Variants in SCMH1 observed in about 807,000 individuals in gnomAD.
The protein encoded by SCMH1 is polycomb protein SCMH1.
In SCMH1, 37 loss-of-function variants were observed where a neutral mutation model predicts 70.8. The observed-to-expected ratio is 0.52, with a 90% confidence interval of 0.40 to 0.69. SCMH1 has a LOEUF of 0.69. Among genes scored for constraint, SCMH1 ranks in the 30% least tolerant of loss-of-function variants. SCMH1 has a pLI of 0.00. For synonymous variants in SCMH1, 292 were observed against 307.4 expected (o/e 0.95, Z 0.52); for missense variants, 607 against 827.3 (o/e 0.73, Z 3.27).
intron 6 of SCMH1, among the ~76,000 whole-genome samples, chr1:41,141,238 G>T (rs12095366): frequency 6.6e-6 from 1 of 152,220 alleles, no homozygotes; most frequent in East Asian, 1.9e-4. Flanking sequence ...GCAAACTACA[G>T]TTGGCAGGCT....
At chr1:41,161,944 C>T (rs1170402573) in intron 2 of SCMH1, among the ~76,000 whole-genome samples, 1 of 152,200 alleles carries the variant, frequency 6.6e-6, no homozygotes, top group Non-Finnish European at 1.5e-5. Flanking sequence ...TCTGGAGCAG[C>T]TGCTGTCATC....
At chr1:41,038,571 G>A (rs973783685) in intron 12 of SCMH1, among the ~76,000 whole-genome samples, 2 of 152,184 alleles carry the variant, frequency 1.3e-5, no homozygotes, top group African/African-American at 4.8e-5. Context: ...TAGGATTTTA[G>A]GACTGCTTTC....
At chr1:41,175,173 A>G (rs538037526) in intron 2 of SCMH1, among the ~76,000 whole-genome samples, 4 of 152,326 alleles carry the variant, frequency 2.6e-5, no homozygotes, top group African/African-American at 9.6e-5. Flanking sequence ...CTGAGTAAAG[A>G]TTGCCCTCAC....
At chr1:41,028,546 C>T (rs761928863) in intron 14 of SCMH1, 38 bp downstream of exon 15, 2 of 1,612,848 alleles carry the variant, frequency 1.2e-6, no homozygotes, top group South Asian at 1.1e-5. Context: ...AGGCTCTCCA[C>T]ACAGGTTCCT....
chr1:41,101,395 T>C (rs1666614147), intron 8 of SCMH1, among the ~76,000 whole-genome samples: 1 of 152,190 alleles, frequency 6.6e-6, no homozygotes, highest in Non-Finnish European at 1.5e-5. Context: ...TCTAAGACTC[T>C]ATGACTTTTT....
Position 41,058,378 on chromosome 1 carries a change from G to GTTTTTTTTTTTTTTTTT in SCMH1, c.1106-9505_1106-9489dup, listed in dbSNP as rs548733204. 3.3e-4 allele frequency among the ~76,000 whole-genome samples: 27 copies of GTTTTTTTTTTTTTTTTT among 81,640 alleles called. 4 individuals carry two copies. The highest frequency in any genetic ancestry group is 1.3e-3 in the South Asian group (2 of 1,554). The allele number at this position is 81,640 out of a possible 152,430, so 53.6% of individuals were successfully genotyped here. On this transcript the variant is annotated intron_variant, in intron 10 of 14. Coordinates refer to ENST00000337495, the Ensembl canonical transcript of SCMH1. ...TTAGTATTTATACATTTTCTTTCTT[G>GTTTTTTTTTTTTTTTTT]TTTTTTTTTTTTTTTTTTTTTTGAG...
intron 8 of SCMH1, among the ~76,000 whole-genome samples, chr1:41,082,401 G>A (rs1660297901): frequency 6.6e-6 from 1 of 152,118 alleles, no homozygotes; most frequent in Non-Finnish European, 1.5e-5. Context: ...AGAGAGTGGG[G>A]GCCAATATTC....
At chr1:41,164,563 G>A (rs954224668) in intron 2 of SCMH1, among the ~76,000 whole-genome samples, 3 of 152,040 alleles carry the variant, frequency 2.0e-5, no homozygotes, top group East Asian at 1.9e-4. Flanking sequence ...AGTAACAGGC[G>A]CTCATTAAAT....
chr1:41,029,329 C>T (rs1159077328), intron 13 of SCMH1, among the ~76,000 whole-genome samples: 1 of 152,206 alleles, frequency 6.6e-6, no homozygotes, highest in African/African-American at 2.4e-5. Flanking sequence ...TGTCCTGCCT[C>T]AGCCTCCTGA....
chr1:41,240,497 T>C (rs1573351726), intron 1 of SCMH1, among the ~76,000 whole-genome samples: 1 of 152,028 alleles, frequency 6.6e-6, no homozygotes, highest in Non-Finnish European at 1.5e-5. Flanking sequence ...AGCATTTCCC[T>C]CTGCAACCAA....
At chr1:41,190,012 C>T (rs1388880617) in intron 1 of SCMH1, among the ~76,000 whole-genome samples, 3 of 152,216 alleles carry the variant, frequency 2.0e-5, no homozygotes, top group African/African-American at 7.2e-5. Flanking sequence ...ATATATGGAT[C>T]TGATGTCATT....
At chr1:41,114,278 C>G (rs1669910936) in intron 7 of SCMH1, among the ~76,000 whole-genome samples, 1 of 152,110 alleles carries the variant, frequency 6.6e-6, no homozygotes, top group African/African-American at 2.4e-5. Context: ...TATACTTTCA[C>G]CGGAAGTGTA....
intron 5 of SCMH1, among the ~76,000 whole-genome samples, chr1:41,146,819 G>A (rs1644623720): frequency 6.6e-6 from 1 of 152,106 alleles, no homozygotes; most frequent in East Asian, 1.9e-4. Context: ...CTCATAGTCT[G>A]TGACCTGTAT....
intron 13 of SCMH1, among the ~76,000 whole-genome samples, chr1:41,031,379 T>A (rs1453567212): frequency 6.6e-6 from 1 of 151,808 alleles, no homozygotes; most frequent in Non-Finnish European, 1.5e-5. Flanking sequence ...AATATTTAAC[T>A]CTCTCCGGCA....
chr1:41,133,540 C>G (rs1305794080), intron 6 of SCMH1, among the ~76,000 whole-genome samples: 1 of 151,576 alleles, frequency 6.6e-6, no homozygotes, highest in African/African-American at 2.4e-5. Flanking sequence ...AGACTGCTAG[C>G]AAGACTAATA....
intron 4 of SCMH1, chr1:41,152,549 G>A (rs761580932): frequency 6.3e-7 from 1 of 1,586,298 alleles, no homozygotes; most frequent in South Asian, 1.1e-5. Flanking sequence ...AGATTATCAA[G>A]TTCTTTATTT....
intron 8 of SCMH1, among the ~76,000 whole-genome samples, chr1:41,086,333 T>C (rs1661666427): frequency 6.6e-6 from 1 of 152,046 alleles, no homozygotes; most frequent in Admixed American, 6.6e-5. Context: ...TTAGATAATG[T>C]AACAGAGGCA....
chr1:41,165,464 C>T (rs1646350570), intron 2 of SCMH1, among the ~76,000 whole-genome samples: 1 of 152,078 alleles, frequency 6.6e-6, no homozygotes. Context: ...AACCTCCATC[C>T]TGTTTTTCAA....
At chr1:41,090,979 C>T (rs796984790) in intron 8 of SCMH1, among the ~76,000 whole-genome samples, 1 of 150,878 alleles carries the variant, frequency 6.6e-6, no homozygotes, top group Non-Finnish European at 1.5e-5. Flanking sequence ...GCGGAGCTTG[C>T]TGTGAGCCAA....
Sources: allele counts gnomAD v4.1 joint callset (sites outside exome capture counted in the v4.1 genomes callset), GRCh38; gene constraint gnomAD v4.1.1; transcripts MANE v1.5; gene names NCBI Gene and HGNC (gene_info 2026-07-23, HGNC 2026-07-21).